The following TOX3 variants were observed in gnomAD, a reference collection of about 807,000 sequenced individuals.
The protein encoded by TOX3 is TOX high mobility group box family member 3.
In TOX3, 22 loss-of-function variants were observed where a neutral mutation model predicts 64.3. That is an observed-to-expected ratio of 0.34 (90% CI 0.24 to 0.49). TOX3 has a LOEUF of 0.49. Among genes scored for constraint, TOX3 ranks in the 20% least tolerant of loss-of-function variants. The probability of loss-of-function intolerance (pLI) is 0.99; values close to 1 mark genes in which losing one functional copy is unlikely to be tolerated. For missense variants in TOX3, 661 were observed against 714.4 expected, an observed-to-expected ratio of 0.93 and a Z score of 0.85; for synonymous variants, 291 against 273.6, an observed-to-expected ratio of 1.06 and a Z score of -0.63.
intron 1 of TOX3, among the ~76,000 whole-genome samples, chr16:52,504,684 G>A (rs1028167915): frequency 2.6e-5 from 4 of 152,112 alleles, no homozygotes; most frequent in African/African-American, 9.7e-5. Flanking sequence ...GGGGCTTATG[G>A]GATGGACAAG....
chr16:52,546,283 C>A (rs1057458209), intron 1 of TOX3, among the ~76,000 whole-genome samples: 1 of 152,150 alleles, frequency 6.6e-6, no homozygotes, highest in Non-Finnish European at 1.5e-5. Context: ...CCCACTCAGT[C>A]CAGGGGGGCT....
At position 52,516,924 on chromosome 16, in the gene TOX3, A is replaced by G. The variant is rs527342737; in HGVS notation, c.87+29713T>C. 2.0e-5 allele frequency among the ~76,000 whole-genome samples: 3 copies of G among 152,312 alleles called. No individual in the cohort carries two copies. The East Asian group carries it at 5.8e-4, about 29-fold the overall frequency. ...GTAACATATCTGACTCCCCGACCAA[A>G]AAAACCAAAACTCTGTTATACCATG... On this transcript the variant is annotated intron_variant, in intron 1 of 6. Coordinates refer to ENST00000219746, the MANE Select transcript of TOX3 (RefSeq NM_001080430.4).
intron 1 of TOX3, among the ~76,000 whole-genome samples, chr16:52,546,163 C>A (rs1963177824): frequency 6.6e-6 from 1 of 152,062 alleles, no homozygotes; most frequent in African/African-American, 2.4e-5. Flanking sequence ...TCCTTTCCGT[C>A]CGTAAGCGGC....
Position 52,454,406 on chromosome 16 carries a change from T to C in TOX3, c.409-3860A>G, listed in dbSNP as rs188972275. Among the ~76,000 whole-genome samples, 20 of 152,302 alleles carry C rather than the reference T, an allele frequency of 1.3e-4. No homozygotes were observed. In the East Asian group the frequency reaches 1.9e-3, roughly 15 times the overall value. On this transcript the variant is annotated intron_variant, in intron 3 of 6. Coordinates refer to ENST00000219746, the MANE Select transcript of TOX3 (RefSeq NM_001080430.4). ...CAAGATACCAAGGGCCTCTAGACTA[T>C]TTTTAAAGTAACCTCTGACCCACAT...
chr16:52,536,799 A>C (rs1460204792), intron 1 of TOX3, among the ~76,000 whole-genome samples: 1 of 150,462 alleles, frequency 6.6e-6, no homozygotes, highest in Admixed American at 6.6e-5. Flanking sequence ...TTAAGAGTCA[A>C]GGTCTTGCTG....
Position 52,546,713 on chromosome 16 carries a change from C to A in TOX3, c.11G>T (p.Arg4Met). The change falls in exon 1 of 7, where the codon AGG (arginine) becomes ATG (methionine). Residue 4 changes from arginine (R) to methionine (M), a missense_variant. Around this residue, in one of 3 missense-constraint regions of TOX3, gnomAD observed 259 missense variants for 261.2 expected, o/e 0.99. Transcript: ENST00000219746. ...GTCCCCGGCCGCCGCGGGGTAGAAC[C>A]TCACATCCATGCCGAAGCTGGGCCC... MDV[R>M]FYPAAAGDPA... is the part of the protein sequence containing the mutation. The A allele has an allele frequency of 6.5e-7, 1 of 1,529,412 alleles. No individual in the cohort carries two copies. 94.7% of individuals were successfully genotyped at this position (1,529,412 alleles called of 1,614,324 possible).
intron 6 of TOX3, among the ~76,000 whole-genome samples, chr16:52,440,927 A>AT (rs1357578604): frequency 6.6e-6 from 1 of 150,974 alleles, no homozygotes; most frequent in East Asian, 1.9e-4. Flanking sequence ...CACCCAGCTA[A>AT]TTTTTTTGTA....
At chr16:52,469,260 C>A (rs1960963593) in intron 1 of TOX3, among the ~76,000 whole-genome samples, 1 of 152,162 alleles carries the variant, frequency 6.6e-6, no homozygotes, top group South Asian at 2.1e-4. Flanking sequence ...ACACAATGGG[C>A]CATTCATATC....
In TOX3 at chr16:52,463,961, G is replaced by C. The variant is rs370214431; in HGVS notation, c.381C>G (p.Gly127=). ...TATGCAACCCACTGCTATGAAGCAC[G>C]CCATCTTGTTCCACGAGATTTCTTG... ...TISRNLVEQD[G]VLHSSGLHMD... is the part of the protein sequence containing the mutation. The change falls in exon 3 of 7, where the codon GGC becomes GGG. Residue 127 remains glycine, a synonymous_variant. Coordinates refer to ENST00000219746, the MANE Select transcript of TOX3 (RefSeq NM_001080430.4). 4.4e-6 allele frequency: 7 copies of C among 1,577,380 alleles called. No individual in the cohort carries two copies. The highest frequency in any genetic ancestry group is 6.0e-6 in the Non-Finnish European group (7 of 1,159,642).
chr16:52,465,750 T>C (rs145912614), intron 2 of TOX3, among the ~76,000 whole-genome samples: 15 of 152,208 alleles, frequency 9.9e-5, no homozygotes, highest in African/African-American at 3.1e-4. Context: ...ATTTCTTACA[T>C]ATAGAACCTG....
At chr16:52,475,932 C>CT (rs1414700665) in intron 1 of TOX3, among the ~76,000 whole-genome samples, 1 of 152,100 alleles carries the variant, frequency 6.6e-6, no homozygotes, top group African/African-American at 2.4e-5. Context: ...CCAAAGCACT[C>CT]TAATATTTGA....
intron 1 of TOX3, among the ~76,000 whole-genome samples, chr16:52,513,700 A>T (rs756246818): frequency 1.8e-4 from 27 of 152,222 alleles, no homozygotes; most frequent in Non-Finnish European, 3.1e-4. Flanking sequence ...GAGATAGGCC[A>T]ATCTAAAACT....
rs184871014 is a variant in TOX3, at chr16:52,490,521, T to G, written c.88-21947A>C. 5.1e-3 allele frequency among the ~76,000 whole-genome samples: 773 copies of G among 152,070 alleles called. 11 individuals carry two copies. The highest frequency in any genetic ancestry group is 0.017 in the African/African-American group (717 of 41,510). On this transcript the variant is annotated intron_variant, in intron 1 of 6. Coordinates refer to ENST00000219746, the MANE Select transcript of TOX3 (RefSeq NM_001080430.4). ...GGCATTTCTCACCCCACTCTCAAGA[T>G]GAACACTTCACAAGGGGGAACCAAA...
chr16:52,547,034 C>T lies in TOX3; in HGVS notation c.-311G>A, dbSNP rs1185788819. The T allele has an allele frequency of 1.4e-5, 12 of 829,168 alleles. No homozygotes were observed. The highest frequency in any genetic ancestry group is 5.2e-5 in the South Asian group (1 of 19,218). The allele number at this position is 829,168 out of a possible 1,614,324, so 51.4% of individuals were successfully genotyped here. A position where few individuals can be genotyped will look rare whatever the true frequency, so the allele number is the denominator to read the frequency against. On this transcript the variant is annotated 5_prime_UTR_variant, in exon 1 of 7. Transcript: ENST00000219746. ...GGCGCGGCGCTGGGGCCCGGGTCGG[C>T]GAGGCGAGTTCAGGTGCGCTGGGCG...
At chr16:52,468,742 T>C (rs1457798504) in intron 1 of TOX3, among the ~76,000 whole-genome samples, 168 bp from the exon 2 acceptor site, 2 of 152,052 alleles carry the variant, frequency 1.3e-5, no homozygotes, top group Non-Finnish European at 2.9e-5. Flanking sequence ...CCTCAGAAAA[T>C]AAAGCACAGA....
intron 1 of TOX3, chr16:52,519,389 A>G (rs1962538243): frequency 2.6e-6 from 4 of 1,550,768 alleles, no homozygotes; most frequent in Non-Finnish European, 3.5e-6. Flanking sequence ...AAACCTCACC[A>G]GAAGATTAGG....
At chr16:52,464,639 A>G (rs566444500) in intron 2 of TOX3, among the ~76,000 whole-genome samples, 2 of 152,340 alleles carry the variant, frequency 1.3e-5, no homozygotes, top group East Asian at 3.9e-4. Flanking sequence ...CTGCCACAAC[A>G]TATAAAACAA....
intron 1 of TOX3, among the ~76,000 whole-genome samples, chr16:52,478,582 T>C (rs1464662949): frequency 6.6e-6 from 1 of 152,236 alleles, no homozygotes; most frequent in African/African-American, 2.4e-5. Context: ...AGTCCATTTG[T>C]CTAGTTCAAT....
At chr16:52,503,870 C>T (rs1019957333) in intron 1 of TOX3, among the ~76,000 whole-genome samples, 3 of 152,092 alleles carry the variant, frequency 2.0e-5, no homozygotes, top group Non-Finnish European at 4.4e-5. Context: ...CTATGTACCT[C>T]ATGTCGATAA....
Sources: gnomAD v4.1 joint callset for allele counts (sites outside exome capture counted in the v4.1 genomes callset) on GRCh38, gnomAD v4.1.1 for gene constraint, gnomAD v4.1.1 regional missense constraint, MANE v1.5 for transcripts, NCBI Gene and HGNC (gene_info 2026-07-23, HGNC 2026-07-21) for gene names.